Variants in ROBO2 observed in about 807,000 individuals in gnomAD.
ROBO2 encodes roundabout guidance receptor 2.
ROBO2 carries 53 observed loss-of-function variants against 160.8 expected under a neutral mutation model. The observed-to-expected ratio is 0.33, with a 90% CI of 0.26 to 0.41. ROBO2 has a LOEUF of 0.41. Ranked by LOEUF, ROBO2 falls within the 10% of genes least tolerant of loss-of-function variation. The pLI is 1.00. For synonymous variants in ROBO2, 664 were observed against 611.7 expected (o/e 1.09, Z -1.26); for missense variants, 1,577 against 1,722.4 (o/e 0.92, Z 1.49).
At chr3:77,377,278 C>T (rs2072819139) in intron 2 of ROBO2, among the ~76,000 whole-genome samples, 1 of 152,130 alleles carries the variant, frequency 6.6e-6, no homozygotes, top group Non-Finnish European at 1.5e-5. Context: ...CTAGCCCATC[C>T]ATTGCTCTTT....
chr3:76,316,044 C>T lies in ROBO2; in HGVS notation c.109+378442C>T, dbSNP rs187998698. On this transcript the variant is annotated intron_variant, in intron 2 of 26. Transcript: ENST00000487694. Reference sequence around the variant, plus strand: ...GGATTTTAAAAGGGGAGGGAGTGTACGAACAGGGAGTAGATCACATGCTTC... The same window carrying T: ...GGATTTTAAAAGGGGAGGGAGTGTATGAACAGGGAGTAGATCACATGCTTC... 1.9e-3 allele frequency among the ~76,000 whole-genome samples: 290 copies of T among 152,128 alleles called. 1 individual carries two copies. The highest frequency in any genetic ancestry group is 6.4e-3 in the South Asian group (31 of 4,826).
chr3:77,634,140 C>G (rs555739191), intron 23 of ROBO2: 1 of 152,246 alleles, frequency 6.6e-6, no homozygotes, highest in African/African-American at 2.4e-5. Context: ...TCCCCGTATA[C>G]CTACTCTAAA....
chr3:76,262,110 T>A (rs2107597940), intron 2 of ROBO2, among the ~76,000 whole-genome samples: 1 of 152,318 alleles, frequency 6.6e-6, no homozygotes, highest in East Asian at 1.9e-4. Flanking sequence ...ATACATTTTC[T>A]ACTTCAGTCT....
chr3:76,176,045 A>C (rs1475921884), intron 2 of ROBO2, among the ~76,000 whole-genome samples: 1 of 152,024 alleles, frequency 6.6e-6, no homozygotes, highest in Non-Finnish European at 1.5e-5. Context: ...ATAAGTTGTC[A>C]AAAATGTTTT....
At chr3:77,227,687 T>G (rs993156442) in intron 2 of ROBO2, among the ~76,000 whole-genome samples, 1 of 152,174 alleles carries the variant, frequency 6.6e-6, no homozygotes, top group African/African-American at 2.4e-5. Flanking sequence ...ATGTGATGGG[T>G]TTGACTGACA....
chr3:77,561,823 G>T (rs1243401444), intron 9 of ROBO2, among the ~76,000 whole-genome samples: 1 of 151,810 alleles, frequency 6.6e-6, no homozygotes, highest in African/African-American at 2.4e-5. Flanking sequence ...TCTTTTTCTG[G>T]CTGGGCACGG....
chr3:77,118,416 A>AT (rs1390314679), intron 2 of ROBO2, among the ~76,000 whole-genome samples: 3 of 152,134 alleles, frequency 2.0e-5, no homozygotes, highest in South Asian at 2.1e-4. Context: ...CCATTGTAAC[A>AT]TTTTTTCCTT....
At chr3:76,223,484 T>C (rs1704103624) in intron 2 of ROBO2, among the ~76,000 whole-genome samples, 1 of 152,008 alleles carries the variant, frequency 6.6e-6, no homozygotes, top group African/African-American at 2.4e-5. Context: ...TCTCTTCCAC[T>C]GGCGAAGAAG....
At chr3:75,906,923 C>G (rs1366826525) in exon 1 of ROBO2, 2 of 152,346 alleles carry the variant, frequency 1.3e-5, no homozygotes, top group East Asian at 3.9e-4. Context: ...GCTTCCCTGT[C>G]CCCCTGGGTG....
intron 2 of ROBO2, among the ~76,000 whole-genome samples, chr3:77,229,524 G>A (rs2086901593): frequency 6.6e-6 from 1 of 151,728 alleles, no homozygotes; most frequent in Non-Finnish European, 1.5e-5. Flanking sequence ...AGCCAGGTGT[G>A]GTGGTGGGCT....
intron 2 of ROBO2, among the ~76,000 whole-genome samples, chr3:75,986,257 T>C (rs2065411861): frequency 1.3e-5 from 2 of 151,680 alleles, no homozygotes; most frequent in Non-Finnish European, 1.5e-5. Context: ...GGTGTTATGT[T>C]CTTGTAGTTT....
chr3:77,413,108 G>T (rs1194358553), intron 2 of ROBO2, among the ~76,000 whole-genome samples: 2 of 152,024 alleles, frequency 1.3e-5, no homozygotes, highest in African/African-American at 2.4e-5. Context: ...ACTCTTTTGG[G>T]CCCTGGGGAT....
rs142989055 is a variant in ROBO2, at chr3:75,923,605, G to C, written c.-13-13876G>C. ...TGTGTCCAGAACACAAGAGGATGCT[G>C]TAAAGTAGCGTACAATCAAGTGTGC... is the stretch of plus-strand genomic sequence containing the variant. On this transcript the variant is annotated intron_variant, in intron 1 of 26. Coordinates refer to the ROBO2 transcript ENST00000487694. Among the ~76,000 whole-genome samples the C allele has an allele frequency of 2.0e-5, 3 of 152,336 alleles. No homozygotes were observed. In the East Asian group the frequency reaches 5.8e-4, roughly 29 times the overall value.
intron 2 of ROBO2, among the ~76,000 whole-genome samples, chr3:76,699,640 A>G (rs1029319338): frequency 6.6e-6 from 1 of 152,162 alleles, no homozygotes; most frequent in East Asian, 1.9e-4. Flanking sequence ...AAATGTTTAA[A>G]TACATTTCCA....
chr3:75,993,624 G>T (rs1383019563), intron 2 of ROBO2, among the ~76,000 whole-genome samples: 1 of 152,092 alleles, frequency 6.6e-6, no homozygotes, highest in Non-Finnish European at 1.5e-5. Flanking sequence ...ATTTTAGGTG[G>T]AAACTGTACC....
intron 2 of ROBO2, among the ~76,000 whole-genome samples, chr3:76,689,493 T>G (rs1031280610): frequency 6.6e-6 from 1 of 152,150 alleles, no homozygotes; most frequent in Admixed American, 6.6e-5. Context: ...ATTACAATTA[T>G]AGTTTTCTAG....
chr3:76,866,628 T>C (rs527802382), intron 2 of ROBO2, among the ~76,000 whole-genome samples: 1 of 152,190 alleles, frequency 6.6e-6, no homozygotes, highest in Non-Finnish European at 1.5e-5. Flanking sequence ...AGTTAATCTA[T>C]CTCATCTATA....
At chr3:76,001,257 C>T (rs952913080) in intron 2 of ROBO2, among the ~76,000 whole-genome samples, 2 of 152,168 alleles carry the variant, frequency 1.3e-5, no homozygotes, top group African/African-American at 2.4e-5. Context: ...ATGATCATCT[C>T]TTCCCGTTTT....
At position 77,057,568 on chromosome 3, in the gene ROBO2, G is replaced by GGTTT. The variant is rs2065879277; in HGVS notation, c.61+16722_61+16723insGTTT. On this transcript the variant is annotated intron_variant, in intron 1 of 25. Transcript: ENST00000461745. ...AAGCTATACCTTTTAGATTCCAGAG[G>GGTTT]ATTTTTTTTTTTTTTTTTTTTGAGA... Among the ~76,000 whole-genome samples, 2 of 43,540 alleles carry GGTTT rather than the reference G, an allele frequency of 4.6e-5. 1 individual carries two copies. The highest frequency in any genetic ancestry group is 1.6e-3 in the East Asian group (2 of 1,240). 28.6% of individuals were successfully genotyped at this position (43,540 alleles called of 152,430 possible).
Sources: allele counts gnomAD v4.1 joint callset (sites outside exome capture counted in the v4.1 genomes callset), GRCh38; gene constraint gnomAD v4.1.1; transcripts MANE v1.5; gene names NCBI Gene and HGNC (gene_info 2026-07-23, HGNC 2026-07-21).